CNTRL: variants seen among roughly 807,000 people sequenced by gnomAD.
The protein encoded by CNTRL is 110 kDa centrosomal protein.
Under a neutral mutation model 303.7 loss-of-function variants are expected in CNTRL, and 233 were observed. The ratio of observed to expected loss-of-function variants is 0.77; its 90% confidence interval spans 0.69 to 0.86. The LOEUF (loss-of-function observed/expected upper bound fraction) is 0.86. CNTRL is among the 40% of genes least tolerant of loss of function. The probability of loss-of-function intolerance (pLI) is 0.00; values close to 1 mark genes in which losing one functional copy is unlikely to be tolerated. For synonymous variants in CNTRL, 900 were observed against 922.2 expected (o/e 0.98, Z 0.44); for missense variants, 2,524 against 2,650.6 (o/e 0.95, Z 1.05).
At chr9:121,127,742 CCAT>C (rs1488301932) in intron 14 of CNTRL, among the ~76,000 whole-genome samples, 1 of 151,308 alleles carries the variant, frequency 6.6e-6, no homozygotes, top group African/African-American at 2.4e-5. Flanking sequence ...TTTGCTGCAC[CCAT>C]TAACTCGTCA....
At chr9:121,167,021 C>A (rs74961601) in intron 36 of CNTRL, among the ~76,000 whole-genome samples, 8 of 141,630 alleles carry the variant, frequency 5.6e-5, no homozygotes, top group Admixed American at 1.4e-4. Flanking sequence ...AGCTCTGTCT[C>A]AAAAAAAAAA....
At chr9:121,172,156 A>G (rs1225494897) in intron 40 of CNTRL, among the ~76,000 whole-genome samples, 1 of 152,106 alleles carries the variant, frequency 6.6e-6, no homozygotes, top group African/African-American at 2.4e-5. Context: ...CCCCACATAT[A>G]CCCACCATTT....
rs561590263 is a variant in CNTRL, at chr9:121,114,426, G to T, written c.1346-665G>T. 2.0e-5 allele frequency among the ~76,000 whole-genome samples: 3 copies of T among 152,332 alleles called. No individual in the cohort carries two copies. In the East Asian group the frequency reaches 5.8e-4, roughly 29 times the overall value. On this transcript the variant is annotated intron_variant, in intron 10 of 43. Transcript: ENST00000373855. The stretch of plus-strand genomic sequence containing the variant: ...TCCTTGACTGGTAGCTAAGTGGAAG[G>T]CATGGAAGGCAAATAGAGGTTGACT...
rs933224324 is a variant in CNTRL at position 121,098,525 on chromosome 9, C to T, written c.761C>T (p.Pro254Leu). The change falls in exon 7 of 44, where the codon CCA (proline) becomes CTA (leucine). Residue 254 changes from proline (P) to leucine (L), a missense_variant. Physicochemically the swap from Pro to Leu is moderately conservative, Grantham distance 98. Coordinates refer to ENST00000373855, the MANE Select transcript of CNTRL (RefSeq NM_007018.6). ...TCATTGGAAAGTTTGGAAGGTCAGC[C>T]AGTAACCACTCAGGATAGACAGGAG... ...LRSLESLEGQ[P>L]VTTQDRQEAF... 3.1e-6 allele frequency: 5 copies of T among 1,613,766 alleles called. No individual in the cohort carries two copies. The highest frequency in any genetic ancestry group is 3.4e-6 in the Non-Finnish European group (4 of 1,179,800).
chr9:121,173,551 C>T (rs1287951607), intron 41 of CNTRL, 42 bp downstream of exon 41: 1 of 1,609,662 alleles, frequency 6.2e-7, no homozygotes, highest in Non-Finnish European at 8.5e-7. Flanking sequence ...GTAGGATTGA[C>T]CACCTCCCCC....
chr9:121,149,190 T>G (rs2052057480), intron 24 of CNTRL, among the ~76,000 whole-genome samples: 1 of 152,198 alleles, frequency 6.6e-6, no homozygotes, highest in Non-Finnish European at 1.5e-5. Context: ...GTGTCTTGTG[T>G]CCTTGCATCA....
At chr9:121,149,167 G>A (rs73660409) in intron 24 of CNTRL, among the ~76,000 whole-genome samples, 4 of 152,186 alleles carry the variant, frequency 2.6e-5, no homozygotes, top group East Asian at 3.9e-4. Flanking sequence ...CTCTTTGACT[G>A]TACTGGAGCA....
chr9:121,135,044 C>T (rs1024888468), intron 14 of CNTRL, among the ~76,000 whole-genome samples: 8 of 152,246 alleles, frequency 5.3e-5, no homozygotes, highest in Middle Eastern at 3.4e-3. Context: ...AAGTTCTCAT[C>T]GTAGAATCCT....
At chr9:121,091,884 C>CTTTTT (rs148922615) in intron 4 of CNTRL, among the ~76,000 whole-genome samples, 8 of 74,970 alleles carry the variant, frequency 1.1e-4, no homozygotes, top group African/African-American at 2.1e-4. Flanking sequence ...GAGGTCTTCT[C>CTTTTT]TTTTTTTTTT....
chr9:121,149,161 TTGAC>T (rs1463261570), intron 24 of CNTRL, among the ~76,000 whole-genome samples: 3 of 152,194 alleles, frequency 2.0e-5, no homozygotes, highest in African/African-American at 4.8e-5. Flanking sequence ...AGCAGCCTCT[TTGAC>T]TGTACTGGAG....
chr9:121,139,897 A>G (rs1190466804), intron 16 of CNTRL, among the ~76,000 whole-genome samples: 1 of 152,224 alleles, frequency 6.6e-6, no homozygotes, highest in African/African-American at 2.4e-5. Context: ...TCCAAAGTAG[A>G]AAGTGAAGTC....
intron 27 of CNTRL, among the ~76,000 whole-genome samples, chr9:121,156,596 C>T (rs974781790): frequency 5.3e-5 from 8 of 152,110 alleles, no homozygotes; most frequent in Admixed American, 6.6e-5. Flanking sequence ...ATTTAACATA[C>T]GGACTCCTCT....
chr9:121,121,118 C>T (rs2050205495), intron 12 of CNTRL, among the ~76,000 whole-genome samples: 1 of 152,074 alleles, frequency 6.6e-6, no homozygotes. Context: ...TTTATGTAAT[C>T]AGATGAAGTA....
chr9:121,131,727 T>C (rs1027468560), intron 14 of CNTRL, among the ~76,000 whole-genome samples: 1 of 152,256 alleles, frequency 6.6e-6, no homozygotes, highest in Non-Finnish European at 1.5e-5. Flanking sequence ...CTTCCTGGCA[T>C]TGATGGTCTT....
At chr9:121,081,313 C>T (rs375730331) in intron 2 of CNTRL, among the ~76,000 whole-genome samples, 1 of 152,206 alleles carries the variant, frequency 6.6e-6, no homozygotes, top group East Asian at 1.9e-4. Flanking sequence ...CAGTACAATA[C>T]TTGTGACATC....
At chr9:121,148,528 T>G in intron 23 of CNTRL, 144 bp from the exon 24 acceptor site, 1 of 695,832 alleles carries the variant, frequency 1.4e-6, no homozygotes, top group Non-Finnish European at 2.4e-6. Flanking sequence ...ATCACCTCAC[T>G]TCTGTGAAAA....
At chr9:121,133,709 T>C (rs2051011807) in intron 14 of CNTRL, among the ~76,000 whole-genome samples, 1 of 152,198 alleles carries the variant, frequency 6.6e-6, no homozygotes, top group Non-Finnish European at 1.5e-5. Context: ...CAGTTGGAAA[T>C]GCAGAAATCA....
intron 22 of CNTRL, 67 bp from the exon 23 acceptor site, chr9:121,146,041 C>G: frequency 7.1e-7 from 1 of 1,404,872 alleles, no homozygotes; most frequent in South Asian, 1.4e-5. Context: ...CTTAGAATCT[C>G]TTTTATATTT....
At chr9:121,141,812 G>A (rs1037142564) in intron 18 of CNTRL, among the ~76,000 whole-genome samples, 2 of 152,202 alleles carry the variant, frequency 1.3e-5, no homozygotes, top group Admixed American at 1.3e-4. Flanking sequence ...TAGAAGCAAA[G>A]GCAAGTTATT....
Sources: allele counts gnomAD v4.1 joint callset (sites outside exome capture counted in the v4.1 genomes callset), GRCh38; gene constraint gnomAD v4.1.1; transcripts MANE v1.5; gene names NCBI Gene and HGNC (gene_info 2026-07-23, HGNC 2026-07-21).